Variants in CCDC69 observed in about 807,000 individuals in gnomAD.
The protein encoded by CCDC69 is coiled-coil domain-containing protein 69.
CCDC69 carries 38 observed loss-of-function variants against 40.3 expected under a neutral mutation model. The observed-to-expected ratio is 0.94, with a 90% CI of 0.73 to 1.24. The LOEUF is 1.24. CCDC69 is among the 50% of genes most tolerant of loss of function. The pLI, the probability that CCDC69 is intolerant of heterozygous loss-of-function variation, is 0.00. For synonymous variants in CCDC69, 141 were observed against 138.9 expected (o/e 1.02, Z -0.11); for missense variants, 389 against 357.9 (o/e 1.09, Z -0.70).
chr5:151,187,555 G>C, intron 4 of CCDC69, 96 bp from the exon 5 acceptor site: 1 of 982,218 alleles, frequency 1.0e-6, no homozygotes, highest in Non-Finnish European at 1.6e-6. Flanking sequence ...TATTTAACTG[G>C]GGCCCATAGA....
intron 1 of CCDC69, chr5:151,212,682 G>A (rs1474621775): frequency 2.4e-6 from 1 of 420,230 alleles, no homozygotes; most frequent in East Asian, 7.2e-5. Flanking sequence ...CAAATTATAG[G>A]AGGGGCTGTT....
intron 4 of CCDC69, among the ~76,000 whole-genome samples, chr5:151,194,617 G>C (rs248446): frequency 0.79 from 119,749 of 152,082 alleles, 47,351 homozygotes; most frequent in Admixed American, 0.82. Flanking sequence ...ACATGCGGCA[G>C]GGCGCGGTGG....
intron 1 of CCDC69, among the ~76,000 whole-genome samples, chr5:151,205,846 G>A (rs1216114462): frequency 1.3e-5 from 2 of 152,172 alleles, no homozygotes; most frequent in Admixed American, 6.5e-5. Flanking sequence ...TGCACTTGAG[G>A]TGCCCTAGAA....
chr5:151,190,346 T>C (rs1213837489), intron 4 of CCDC69, among the ~76,000 whole-genome samples: 1 of 152,138 alleles, frequency 6.6e-6, no homozygotes, highest in East Asian at 1.9e-4. Context: ...ACGGTAAGCT[T>C]TTTACATTCC....
At chr5:151,219,647 C>A (rs1246417163) in intron 1 of CCDC69, among the ~76,000 whole-genome samples, 1 of 152,102 alleles carries the variant, frequency 6.6e-6, no homozygotes, top group Non-Finnish European at 1.5e-5. Context: ...TAGTCATACT[C>A]ACATCTATAA....
At chr5:151,199,185 C>A (rs1254724464) in intron 3 of CCDC69, 101 bp from the exon 4 acceptor site, 2 of 887,414 alleles carry the variant, frequency 2.3e-6, no homozygotes, top group African/African-American at 3.3e-5. Context: ...TGACCAGAGT[C>A]CTAACCCTTC....
chr5:151,197,266 G>A (rs373221768), intron 4 of CCDC69, among the ~76,000 whole-genome samples: 16 of 152,236 alleles, frequency 1.1e-4, no homozygotes, highest in African/African-American at 3.9e-4. Context: ...AATGGCTCAT[G>A]CCTGTAATCC....
At chr5:151,193,755 C>T (rs761553963) in intron 4 of CCDC69, among the ~76,000 whole-genome samples, 36 of 151,926 alleles carry the variant, frequency 2.4e-4, no homozygotes, top group Non-Finnish European at 5.1e-4. Flanking sequence ...TGGACTTTAT[C>T]AAAATTAAAA....
intron 1 of CCDC69, among the ~76,000 whole-genome samples, chr5:151,220,785 A>C (rs1753122647): frequency 7.8e-6 from 1 of 127,992 alleles, no homozygotes; most frequent in African/African-American, 2.9e-5. Flanking sequence ...CTCCTGCACC[A>C]GTCCCCACCC....
At chr5:151,218,583 C>T (rs993760588) in intron 1 of CCDC69, among the ~76,000 whole-genome samples, 2 of 152,216 alleles carry the variant, frequency 1.3e-5, no homozygotes, top group African/African-American at 4.8e-5. Context: ...AGGCAGGTCT[C>T]AGACTTCTGT....
At chr5:151,195,767 C>A (rs1752692323) in intron 4 of CCDC69, among the ~76,000 whole-genome samples, 1 of 150,052 alleles carries the variant, frequency 6.7e-6, no homozygotes, top group African/African-American at 2.4e-5. Flanking sequence ...ACACACACAC[C>A]CACACACACC....
chr5:151,199,870 T>C lies in CCDC69; in HGVS notation c.232-786A>G, dbSNP rs1369899800. Among the ~76,000 whole-genome samples the C allele has an allele frequency of 2.0e-5, 3 of 152,182 alleles. No individual in the cohort carries two copies. In the East Asian group the frequency reaches 5.8e-4, roughly 29 times the overall value. On this transcript the variant is annotated intron_variant, in intron 3 of 8. Coordinates refer to ENST00000355417, the MANE Select transcript of CCDC69 (RefSeq NM_015621.3). ...CAGCTGCATACAGTTAACTTACCTT[T>C]CATAAAAGGTGTGTTTCTGAAAAAT...
At chr5:151,183,844 T>C (rs1388035704) in intron 8 of CCDC69, among the ~76,000 whole-genome samples, 7 of 152,226 alleles carry the variant, frequency 4.6e-5, no homozygotes. Context: ...CTCTACCACT[T>C]AGCTATATAA....
chr5:151,214,379 C>A (rs923795603), intron 1 of CCDC69, among the ~76,000 whole-genome samples: 1 of 151,852 alleles, frequency 6.6e-6, no homozygotes, highest in African/African-American at 2.4e-5. Context: ...AAGGGCGGGG[C>A]CTAAATGATC....
chr5:151,203,778 TAATA>T (rs1294068127), intron 2 of CCDC69, among the ~76,000 whole-genome samples: 3 of 137,566 alleles, frequency 2.2e-5, no homozygotes, highest in Admixed American at 7.7e-5. Context: ...ATATATATAC[TAATA>T]AATAAAATAT....
At chr5:151,184,297 G>A in intron 8 of CCDC69, 47 bp downstream of exon 8, 1 of 1,445,242 alleles carries the variant, frequency 6.9e-7, no homozygotes, top group South Asian at 1.1e-5. Flanking sequence ...TGGGAATTTT[G>A]GCAAAAAGGG....
chr5:151,192,256 CT>C (rs1158010764), intron 4 of CCDC69, among the ~76,000 whole-genome samples: 1 of 151,316 alleles, frequency 6.6e-6, no homozygotes, highest in Non-Finnish European at 1.5e-5. Flanking sequence ...AAAGCTGGTT[CT>C]TTGAAATAAT....
intron 4 of CCDC69, among the ~76,000 whole-genome samples, chr5:151,188,562 G>A (rs933341643): frequency 6.6e-6 from 1 of 150,670 alleles, no homozygotes; most frequent in South Asian, 2.1e-4. Flanking sequence ...CTGAGATCAC[G>A]CCACTGCACT....
intron 1 of CCDC69, among the ~76,000 whole-genome samples, chr5:151,214,817 CTT>C (rs1753013552): frequency 1.3e-5 from 2 of 152,182 alleles, no homozygotes; most frequent in Admixed American, 1.3e-4. Flanking sequence ...CCACTTCCTT[CTT>C]AAATACCCCT....
Sources: allele counts gnomAD v4.1 joint callset (sites outside exome capture counted in the v4.1 genomes callset), GRCh38; gene constraint gnomAD v4.1.1; transcripts MANE v1.5; gene names NCBI Gene and HGNC (gene_info 2026-07-23, HGNC 2026-07-21).